Variants in C14orf39 observed in about 807,000 individuals in gnomAD.
The protein encoded by C14orf39 is protein SIX6OS1.
A neutral mutation model predicts 85.6 loss-of-function variants in C14orf39; 66 were observed. The observed-to-expected ratio is 0.77, with a 90% CI of 0.63 to 0.95. C14orf39 has a LOEUF of 0.95. Among genes scored for constraint, C14orf39 ranks in the 40% least tolerant of loss-of-function variants. C14orf39 has a pLI of 0.00. For synonymous variants in C14orf39, 242 were observed against 214.0 expected, an observed-to-expected ratio of 1.13 and a Z score of -1.14; for missense variants, 735 against 663.9, an observed-to-expected ratio of 1.11 and a Z score of -1.18.
At chr14:60,494,798 G>C (rs534354779) in intron 2 of C14orf39, 2 of 152,746 alleles carry the variant, frequency 1.3e-5, no homozygotes, top group East Asian at 1.9e-4. Context: ...CATGTAGTTA[G>C]AGTAAGTCAT....
At chr14:60,453,699 T>A (rs1268122455) in intron 16 of C14orf39, among the ~76,000 whole-genome samples, 1 of 151,830 alleles carries the variant, frequency 6.6e-6, no homozygotes, top group Non-Finnish European at 1.5e-5. Context: ...TTTTCAATAT[T>A]TTCCTGATAG....
intron 17 of C14orf39, among the ~76,000 whole-genome samples, chr14:60,441,574 C>A (rs1890512900): frequency 6.6e-6 from 1 of 152,144 alleles, no homozygotes; most frequent in Non-Finnish European, 1.5e-5. Flanking sequence ...GTTTATCCCA[C>A]TGGAACATAA....
rs548069184 is a variant in C14orf39 at position 60,475,865 on chromosome 14, C to T, written c.323+2435G>A. Among the ~76,000 whole-genome samples the T allele has an allele frequency of 7.6e-4, 115 of 152,100 alleles. 2 individuals carry two copies. In the South Asian group the frequency reaches 0.017, roughly 22 times the overall value. On this transcript the variant is annotated intron_variant, in intron 5 of 17. Coordinates refer to ENST00000321731, the MANE Select transcript of C14orf39 (RefSeq NM_174978.3). Reference sequence around the variant, plus strand: ...GAAAAATTTTTGAAAATATATAGTCCTTACATTCCTCAAGATTTTCTCATT... The same window carrying T: ...GAAAAATTTTTGAAAATATATAGTCTTTACATTCCTCAAGATTTTCTCATT...
rs202173484 is a variant in C14orf39, at chr14:60,485,098, GAA to G, written c.-8-14_-8-13del. ...ATTCATCTTGGATACTATGTTAAAT[GAA>G]AAAAAAAATTATAAGATTTTCTGAA... is the stretch of plus-strand genomic sequence containing the variant. On this transcript the variant is annotated splice_polypyrimidine_tract_variant and intron_variant, in intron 1 of 17. Coordinates refer to ENST00000321731, the MANE Select transcript of C14orf39 (RefSeq NM_174978.3). The G allele has an allele frequency of 2.6e-6, 4 of 1,518,880 alleles. No individual in the cohort carries two copies. Among genetic ancestry groups the G allele is most frequent in the African/African-American group, 1.4e-5 (1 of 70,354 alleles). 94.1% of individuals were successfully genotyped at this position (1,518,880 alleles called of 1,614,324 possible).
intron 16 of C14orf39, among the ~76,000 whole-genome samples, chr14:60,452,251 G>T (rs1249302595): frequency 4.6e-5 from 7 of 150,592 alleles, no homozygotes; most frequent in African/African-American, 1.7e-4. Context: ...AAAATAAAAA[G>T]CAAGAAATTA....
At chr14:60,462,907 T>C (rs1891596581) in intron 11 of C14orf39, among the ~76,000 whole-genome samples, 2 of 152,148 alleles carry the variant, frequency 1.3e-5, no homozygotes, top group African/African-American at 4.8e-5. Context: ...TGGACACACC[T>C]GCAAGGAGAA....
chr14:60,456,902 T>C lies in C14orf39; in HGVS notation c.1358+15A>G, dbSNP rs1432436683. 6.5e-7 allele frequency: 1 copy of C among 1,540,998 alleles called. No homozygotes were observed. Among genetic ancestry groups the C allele is most frequent in the Non-Finnish European group, 8.7e-7 (1 of 1,145,478 alleles). On this transcript the variant is annotated intron_variant, in intron 15 of 17. Transcript: ENST00000321731. ...ATACAAATAATTTAACAATAGTTATTAATTAAAATCCTACATTTCGAACGG... is the reference window on the plus strand; with the variant it reads ...ATACAAATAATTTAACAATAGTTATCAATTAAAATCCTACATTTCGAACGG...
chr14:60,509,467 G>C lies in C14orf39; in HGVS notation c.-144+5928C>G, dbSNP rs760159037. On this transcript the variant is annotated intron_variant, in intron 1 of 5. Coordinates refer to the C14orf39 transcript ENST00000556799. ...CCGGGGTATGTGAGACCCTGGAAGA[G>C]AGCGGCGATGTGGAGCGCCTGGGTC... 1.4e-5 allele frequency: 22 copies of C among 1,600,448 alleles called. No homozygotes were observed. The East Asian group carries it at 2.0e-4, about 15-fold the overall frequency.
At chr14:60,483,657 A>G in intron 4 of C14orf39, 34 bp downstream of exon 4, 1 of 1,553,332 alleles carries the variant, frequency 6.4e-7, no homozygotes, top group Non-Finnish European at 8.7e-7. Flanking sequence ...TAAATAAAAG[A>G]ATGCAATGAA....
intron 1 of C14orf39, chr14:60,510,016 G>A: frequency 6.6e-7 from 1 of 1,512,270 alleles, no homozygotes; most frequent in South Asian, 1.2e-5. Context: ...CGGGGAGGAG[G>A]CGGGTGGAGG....
chr14:60,476,742 T>C (rs1892396687), intron 5 of C14orf39, among the ~76,000 whole-genome samples: 1 of 152,194 alleles, frequency 6.6e-6, no homozygotes, highest in Non-Finnish European at 1.5e-5. Context: ...CAGTTATATA[T>C]ACTGTGTTTG....
intron 13 of C14orf39, among the ~76,000 whole-genome samples, chr14:60,459,647 T>C (rs1335453563): frequency 2.6e-5 from 4 of 151,710 alleles, no homozygotes; most frequent in African/African-American, 9.7e-5. Context: ...TCCTACTTAG[T>C]ATTGTCAGAC....
At chr14:60,509,865 G>A (rs1893263953) in intron 1 of C14orf39, 1 of 1,613,636 alleles carries the variant, frequency 6.2e-7, no homozygotes, top group Non-Finnish European at 8.5e-7. Flanking sequence ...CCTAACCCCA[G>A]CAAAAAACGT....
At chr14:60,461,660 AGCAACTCAGAAC>A in intron 11 of C14orf39, 67 bp from the exon 12 acceptor site, 1 of 862,008 alleles carries the variant, frequency 1.2e-6, no homozygotes, top group Non-Finnish European at 1.8e-6. Flanking sequence ...GCTTGTCGTT[AGCAACTCAGAAC>A]TCTCATTTCA....
chr14:60,507,242 C>A (rs1246861509), intron 1 of C14orf39, among the ~76,000 whole-genome samples: 1 of 152,160 alleles, frequency 6.6e-6, no homozygotes, highest in Non-Finnish European at 1.5e-5. Flanking sequence ...CCTCCCCTGG[C>A]CAGAAGCTCC....
rs192712921 is a variant in C14orf39, at chr14:60,504,340, A to C, written c.-143-4910T>G. 3.5e-3 allele frequency among the ~76,000 whole-genome samples: 532 copies of C among 152,372 alleles called. 1 individual carries two copies. Among genetic ancestry groups the C allele is most frequent in the Non-Finnish European group, 5.8e-3 (397 of 68,032 alleles). Reference sequence around the variant, plus strand: ...TTATGATTTACTACACATGTAATACAAACAGTTGATACAATGTATGACACA... The same window carrying C: ...TTATGATTTACTACACATGTAATACCAACAGTTGATACAATGTATGACACA... On this transcript the variant is annotated intron_variant, in intron 1 of 5. Transcript: ENST00000556799.
At chr14:60,449,209 T>C (rs1890924964) in intron 16 of C14orf39, among the ~76,000 whole-genome samples, 2 of 152,050 alleles carry the variant, frequency 1.3e-5, no homozygotes, top group Non-Finnish European at 2.9e-5. Flanking sequence ...TTAGATTTTG[T>C]ATGTAATCAA....
At chr14:60,462,518 AT>A (rs1337194004) in intron 11 of C14orf39, among the ~76,000 whole-genome samples, 1 of 152,206 alleles carries the variant, frequency 6.6e-6, no homozygotes, top group Non-Finnish European at 1.5e-5. Flanking sequence ...CAAAATCAAA[AT>A]ATAGTTTTAA....
chr14:60,456,500 C>T (rs1891285209), intron 15 of C14orf39, among the ~76,000 whole-genome samples: 1 of 151,106 alleles, frequency 6.6e-6, no homozygotes, highest in African/African-American at 2.4e-5. Context: ...AAGGGATCCT[C>T]CTCCCTTAGC....
Sources: allele counts gnomAD v4.1 joint callset (sites outside exome capture counted in the v4.1 genomes callset), GRCh38; gene constraint gnomAD v4.1.1; transcripts MANE v1.5; gene names NCBI Gene and HGNC (gene_info 2026-07-23, HGNC 2026-07-21).